GLRA3: variants seen among roughly 807,000 people sequenced by gnomAD.
GLRA3 encodes glycine receptor subunit alpha-3.
Under a neutral mutation model 60.4 loss-of-function variants are expected in GLRA3, and 44 were observed. That is an observed-to-expected ratio of 0.73 (90% CI 0.57 to 0.94). The LOEUF is 0.94. Ranked by LOEUF, GLRA3 falls within the 40% of genes least tolerant of loss-of-function variation. GLRA3 has a pLI of 0.00. For missense variants in GLRA3, 508 were observed against 564.6 expected, an observed-to-expected ratio of 0.90 and a Z score of 1.02; for synonymous variants, 223 against 192.9, an observed-to-expected ratio of 1.16 and a Z score of -1.29.
intron 1 of GLRA3, among the ~76,000 whole-genome samples, chr4:174,818,806 A>T (rs1740614322): frequency 6.6e-6 from 1 of 152,194 alleles, no homozygotes; most frequent in African/African-American, 2.4e-5. Flanking sequence ...TAGGATACAG[A>T]AAAAAAGAAA....
At chr4:174,753,680 CTACGA>C (rs1303421863) in intron 3 of GLRA3, among the ~76,000 whole-genome samples, 1 of 152,144 alleles carries the variant, frequency 6.6e-6, no homozygotes, top group Non-Finnish European at 1.5e-5. Flanking sequence ...TAATTGATCT[CTACGA>C]TACCTTCCTC....
chr4:174,783,442 C>T (rs6838635), intron 2 of GLRA3, among the ~76,000 whole-genome samples: 78,047 of 112,414 alleles, frequency 0.69, 29,074 homozygotes, highest in East Asian at 0.99. Flanking sequence ...CCAAAAGCAA[C>T]GGCAACAAAA....
intron 5 of GLRA3, among the ~76,000 whole-genome samples, chr4:174,701,911 A>C (rs971486348): frequency 1.3e-5 from 2 of 152,228 alleles, no homozygotes; most frequent in African/African-American, 2.4e-5. Flanking sequence ...ATGAGCAAAG[A>C]AAGTGGTTTC....
intron 1 of GLRA3, among the ~76,000 whole-genome samples, chr4:174,793,919 CTTAA>C (rs977256583): frequency 2.0e-4 from 30 of 151,912 alleles, no homozygotes; most frequent in East Asian, 1.7e-3. Flanking sequence ...AAGATTAAAT[CTTAA>C]TTAATTTTAG....
At chr4:174,807,846 A>ACTCT (rs1740109022) in intron 1 of GLRA3, among the ~76,000 whole-genome samples, 2 of 152,214 alleles carry the variant, frequency 1.3e-5, no homozygotes, top group South Asian at 4.1e-4. Flanking sequence ...GGAATCAAAT[A>ACTCT]CTCTACCTGC....
intron 1 of GLRA3, among the ~76,000 whole-genome samples, chr4:174,810,490 A>G (rs1399385922): frequency 6.6e-6 from 1 of 151,858 alleles, no homozygotes. Flanking sequence ...ATATTTGTAG[A>G]AATATATAAA....
intron 4 of GLRA3, among the ~76,000 whole-genome samples, chr4:174,715,868 C>T (rs1383716989): frequency 6.6e-6 from 1 of 152,056 alleles, no homozygotes; most frequent in Non-Finnish European, 1.5e-5. Flanking sequence ...ATATAAGCAT[C>T]CCGTCATATT....
chr4:174,799,950 A>G (rs933165991), intron 1 of GLRA3, among the ~76,000 whole-genome samples: 1 of 152,218 alleles, frequency 6.6e-6, no homozygotes, highest in Non-Finnish European at 1.5e-5. Flanking sequence ...TGAATTTGTT[A>G]CAGTGATTAA....
intron 9 of GLRA3, among the ~76,000 whole-genome samples, chr4:174,653,962 T>C (rs897174116): frequency 2.0e-5 from 3 of 152,060 alleles, no homozygotes; most frequent in African/African-American, 4.8e-5. Context: ...GTCTTGCAAT[T>C]TTTGTCTTAT....
intron 5 of GLRA3, among the ~76,000 whole-genome samples, chr4:174,709,494 G>A (rs1279495015): frequency 6.6e-6 from 1 of 151,956 alleles, no homozygotes; most frequent in African/African-American, 2.4e-5. Flanking sequence ...GACTTTGAGA[G>A]TGAAAAATGA....
At chr4:174,674,413 A>G (rs994101476) in intron 7 of GLRA3, among the ~76,000 whole-genome samples, 2 of 152,208 alleles carry the variant, frequency 1.3e-5, no homozygotes, top group Admixed American at 1.3e-4. Context: ...GTTTCAAGGA[A>G]TCAATCACAG....
chr4:174,701,958 T>C (rs1157945741), intron 5 of GLRA3, among the ~76,000 whole-genome samples: 1 of 152,212 alleles, frequency 6.6e-6, no homozygotes, highest in Admixed American at 6.5e-5. Flanking sequence ...ACCGTGAACA[T>C]TGTTGAAATG....
rs542125315 is a variant in GLRA3 at position 174,779,601 on chromosome 4, T to C, written c.199+9215A>G. Among the ~76,000 whole-genome samples, 80 of 151,826 alleles carry C rather than the reference T, an allele frequency of 5.3e-4. No individual in the cohort carries two copies. The South Asian group carries it at 0.013, about 25-fold the overall frequency. On this transcript the variant is annotated intron_variant, in intron 2 of 9. Transcript: ENST00000274093. The stretch of plus-strand genomic sequence containing the variant: ...AAGAATGTATAACTAGAATAACCAA[T>C]ACAGAGAAGTGCTTAAAGGAGCTGA...
chr4:174,753,066 T>C (rs7690850), intron 3 of GLRA3, among the ~76,000 whole-genome samples: 45,582 of 152,072 alleles, frequency 0.3, 7,243 homozygotes, highest in Non-Finnish European at 0.36. Flanking sequence ...ACTAAATTCA[T>C]TTTGATATAC....
At chr4:174,711,451 T>A (rs1285666600) in intron 5 of GLRA3, among the ~76,000 whole-genome samples, 26 of 124,842 alleles carry the variant, frequency 2.1e-4, no homozygotes, top group Non-Finnish European at 3.1e-4. Context: ...ATATATTTTT[T>A]TTTTTTTTAG....
chr4:174,733,053 C>A (rs960843826), intron 3 of GLRA3, among the ~76,000 whole-genome samples: 1 of 151,586 alleles, frequency 6.6e-6, no homozygotes, highest in African/African-American at 2.4e-5. Flanking sequence ...AATTATATAC[C>A]AAAAGAAATT....
chr4:174,753,578 G>A (rs1260658591), intron 3 of GLRA3, among the ~76,000 whole-genome samples: 1 of 152,138 alleles, frequency 6.6e-6, no homozygotes, highest in East Asian at 1.9e-4. Flanking sequence ...ATGTGATGAT[G>A]ATGAATATAA....
chr4:174,677,356 T>A lies in GLRA3; in HGVS notation c.713-64A>T, dbSNP rs1734172817. ...TAGGTCTTTGTTACGGCATCAAATA[T>A]CACAATTTCTCTTTTTTTTTTGAGA... On this transcript the variant is annotated intron_variant, in intron 6 of 9. Transcript: ENST00000274093. 9 of 916,044 alleles carry A rather than the reference T, an allele frequency of 9.8e-6. No homozygotes were observed. In the East Asian group the frequency reaches 2.0e-4, roughly 20 times the overall value. 56.7% of individuals were successfully genotyped at this position (916,044 alleles called of 1,614,324 possible).
intron 1 of GLRA3, among the ~76,000 whole-genome samples, chr4:174,810,077 A>T (rs954003202): frequency 2.2e-4 from 33 of 152,294 alleles, no homozygotes; most frequent in African/African-American, 7.7e-4. Flanking sequence ...AGGACTCTGG[A>T]TTCTGCAATA....
Sources: allele counts gnomAD v4.1 joint callset (sites outside exome capture counted in the v4.1 genomes callset), GRCh38; gene constraint gnomAD v4.1.1; transcripts MANE v1.5; gene names NCBI Gene and HGNC (gene_info 2026-07-23, HGNC 2026-07-21).